MBNL2: variants seen among roughly 807,000 people sequenced by gnomAD.
MBNL2 encodes the protein muscleblind like splicing regulator 2, also known as muscleblind-like protein 2.
A neutral mutation model predicts 41.9 loss-of-function variants in MBNL2; 17 were observed. That is an observed-to-expected ratio of 0.41 (90% CI 0.28 to 0.61). The LOEUF (loss-of-function observed/expected upper bound fraction) is 0.61. Ranked by LOEUF, MBNL2 falls within the 20% of genes least tolerant of loss-of-function variation. MBNL2 has a pLI of 0.35. For synonymous variants in MBNL2, 195 were observed against 182.9 expected (o/e 1.07, Z -0.53); for missense variants, 336 against 505.6 (o/e 0.66, Z 3.22).
chr13:97,261,239 C>A (rs1472726147), intron 1 of MBNL2, among the ~76,000 whole-genome samples: 1 of 152,138 alleles, frequency 6.6e-6, no homozygotes, highest in Admixed American at 6.5e-5. Context: ...TGGGGAGTAT[C>A]AGCGATGCCC....
chr13:97,239,548 G>A (rs1003789268), intron 1 of MBNL2, among the ~76,000 whole-genome samples: 3 of 152,172 alleles, frequency 2.0e-5, no homozygotes, highest in Non-Finnish European at 2.9e-5. Flanking sequence ...TTCCCCCTGG[G>A]AACATATGCA....
chr13:97,199,841 A>C, the MBNL2 span, among the ~76,000 whole-genome samples: 1 of 152,224 alleles, frequency 6.6e-6, no homozygotes, highest in Non-Finnish European at 1.5e-5. Flanking sequence ...AGGTTTGATC[A>C]AGAAGCAGAA....
intron 8 of MBNL2, among the ~76,000 whole-genome samples, chr13:97,367,229 G>A (rs1033863209): frequency 1.1e-4 from 16 of 152,280 alleles, no homozygotes; most frequent in South Asian, 4.1e-4. Context: ...GTACTATTTC[G>A]TAGTGACAGC....
At chr13:97,160,201 T>G in the MBNL2 span, among the ~76,000 whole-genome samples, 2 of 152,252 alleles carry the variant, frequency 1.3e-5, no homozygotes, top group African/African-American at 4.8e-5. Flanking sequence ...AAGAGCCTTC[T>G]GCAACAAAAT....
chr13:97,318,247 G>A (rs1343052680), intron 2 of MBNL2, among the ~76,000 whole-genome samples: 2 of 152,176 alleles, frequency 1.3e-5, no homozygotes, highest in South Asian at 2.1e-4. Flanking sequence ...GTGAGAATTC[G>A]GCAAACATAA....
At chr13:97,287,918 G>GTTTTTTTTTTTTTTTTTT (rs11423615) in intron 2 of MBNL2, among the ~76,000 whole-genome samples, 15 of 124,620 alleles carry the variant, frequency 1.2e-4, no homozygotes, top group African/African-American at 4.9e-4. Context: ...CTAATTTTCT[G>GTTTTTTTTTTTTTTTTTT]TTTTTTTTTT....
At chr13:97,312,336 A>G (rs564421579) in intron 2 of MBNL2, among the ~76,000 whole-genome samples, 60 of 152,316 alleles carry the variant, frequency 3.9e-4, no homozygotes, top group African/African-American at 1.4e-3. Context: ...TTTCTCTTCT[A>G]CTTGCAGCAT....
intron 2 of MBNL2, among the ~76,000 whole-genome samples, chr13:97,332,466 C>T (rs9584553): frequency 0.02 from 3,074 of 152,198 alleles, 98 homozygotes; most frequent in African/African-American, 0.067. Context: ...AACAAAGAGA[C>T]AAGCAATTGT....
chr13:97,202,404 T>C, the MBNL2 span, among the ~76,000 whole-genome samples: 2 of 152,212 alleles, frequency 1.3e-5, no homozygotes, highest in Non-Finnish European at 2.9e-5. Flanking sequence ...ATCTGCCAAT[T>C]ACCGGTACTC....
intron 1 of MBNL2, among the ~76,000 whole-genome samples, chr13:97,225,313 T>C (rs749584668): frequency 1.3e-5 from 2 of 152,154 alleles, no homozygotes; most frequent in Non-Finnish European, 2.9e-5. Flanking sequence ...CTTCCTTTTT[T>C]CCTGTACTTT....
the MBNL2 span, among the ~76,000 whole-genome samples, chr13:97,199,155 G>C: frequency 1.3e-5 from 2 of 152,044 alleles, no homozygotes; most frequent in African/African-American, 2.4e-5. Context: ...TCTGGCCTTT[G>C]CATTTGCCAT....
chr13:97,162,516 G>A, the MBNL2 span, among the ~76,000 whole-genome samples: 1 of 152,180 alleles, frequency 6.6e-6, no homozygotes, highest in Non-Finnish European at 1.5e-5. Context: ...TATGTAGGTT[G>A]CTTTGTCTTA....
upstream of MBNL2, among the ~76,000 whole-genome samples, chr13:97,220,073 G>T (rs1435015679): frequency 2.0e-5 from 3 of 152,170 alleles, no homozygotes; most frequent in Non-Finnish European, 4.4e-5. Context: ...GGATGAATAT[G>T]ATATCAATTC....
chr13:97,338,650 G>A (rs778452760), intron 3 of MBNL2, among the ~76,000 whole-genome samples: 18 of 151,996 alleles, frequency 1.2e-4, no homozygotes, highest in African/African-American at 2.4e-4. Context: ...TTCCCAGAGC[G>A]CGCACCGCCT....
At chr13:97,240,661 A>G (rs1167893413) in intron 1 of MBNL2, among the ~76,000 whole-genome samples, 1 of 152,202 alleles carries the variant, frequency 6.6e-6, no homozygotes, top group Non-Finnish European at 1.5e-5. Flanking sequence ...TTTATTCTAC[A>G]AAAGACTTTT....
chr13:97,351,519 ACCT>A (rs2062454041), intron 5 of MBNL2, among the ~76,000 whole-genome samples: 1 of 152,178 alleles, frequency 6.6e-6, no homozygotes, highest in African/African-American at 2.4e-5. Context: ...TACTGTGGCC[ACCT>A]TCATCAGTGA....
chr13:97,217,484 T>C (rs1031552669), upstream of MBNL2, among the ~76,000 whole-genome samples: 5 of 152,180 alleles, frequency 3.3e-5, no homozygotes, highest in African/African-American at 1.2e-4. Flanking sequence ...AAAGAAGGCT[T>C]CCTGGAGGAG....
the MBNL2 span, among the ~76,000 whole-genome samples, chr13:97,148,159 T>C: frequency 3.3e-5 from 5 of 152,222 alleles, no homozygotes; most frequent in African/African-American, 1.2e-4. Flanking sequence ...GACAAGTGTT[T>C]ATTCACAATG....
chr13:97,197,887 T>C, the MBNL2 span, among the ~76,000 whole-genome samples: 3 of 152,202 alleles, frequency 2.0e-5, no homozygotes, highest in African/African-American at 7.2e-5. Context: ...ACTGAGCTCC[T>C]ACTTCTATGC....
Sources: gnomAD v4.1 joint callset for allele counts (sites outside exome capture counted in the v4.1 genomes callset) on GRCh38, gnomAD v4.1.1 for gene constraint, MANE v1.5 for transcripts, NCBI Gene and HGNC (gene_info 2026-07-23, HGNC 2026-07-21) for gene names.